Variants in NPIPB9 observed in about 807,000 individuals in gnomAD.
NPIPB9 encodes nuclear pore complex interacting protein family member B9.
Under a neutral mutation model 5.6 loss-of-function variants are expected in NPIPB9, and 1 was observed. The observed-to-expected ratio is 0.18, with a 90% CI of 0.06 to 0.84. The LOEUF (loss-of-function observed/expected upper bound fraction) is 0.84, where lower values mean the gene tolerates loss of function less well. NPIPB9 is among the 40% of genes least tolerant of loss of function. The pLI is 0.70. For missense variants in NPIPB9, 3 were observed against 39.1 expected, an observed-to-expected ratio of 0.08 and a Z score of 2.46; for synonymous variants, 2 against 12.5, an observed-to-expected ratio of 0.16 and a Z score of 1.77.
rs3987539 is a variant in NPIPB9, at chr16:28,752,514, G to C, written c.-54G>C. ...TTGTCCTGACCCCACAGTTCCTGTCGCATGACCAGAGCCAGTTCACCAAGG... is the reference window on the plus strand; with the variant it reads ...TTGTCCTGACCCCACAGTTCCTGTCCCATGACCAGAGCCAGTTCACCAAGG... On this transcript the variant is annotated 5_prime_UTR_variant, in exon 1 of 8. Coordinates refer to ENST00000550983, the Ensembl canonical transcript of NPIPB9. The C allele has an allele frequency of 2.5e-5, 35 of 1,384,774 alleles. 7 individuals carry two copies. Among genetic ancestry groups the C allele is most frequent in the Middle Eastern group, 2.4e-4 (1 of 4,252 alleles). The allele number at this position is 1,384,774 out of a possible 1,614,324, so 85.8% of individuals were successfully genotyped here. A position where few individuals can be genotyped will look rare whatever the true frequency, so the allele number is the denominator to read the frequency against.
Position 28,767,369 on chromosome 16 carries a change from T to G in NPIPB9, c.590+880T>G, listed in dbSNP as rs2049267951. Among the ~76,000 whole-genome samples, 2 of 82,366 alleles carry G rather than the reference T, an allele frequency of 2.4e-5. 1 individual carries two copies. The highest frequency in any genetic ancestry group is 5.3e-5 in the Non-Finnish European group (2 of 37,974). The allele number at this position is 82,366 out of a possible 152,430, so 54.0% of individuals were successfully genotyped here. A position where few individuals can be genotyped will look rare whatever the true frequency, so the allele number is the denominator to read the frequency against. ...TGCCACCATGCCCGGATAATTTTTG[T>G]ATTCTTAGTAGAGGCATAGACTTAG... On this transcript the variant is annotated intron_variant, in intron 5 of 7. Coordinates refer to ENST00000550983, the Ensembl canonical transcript of NPIPB9.
At chr16:28,769,476 TGAAA>T (rs2049320422) in intron 5 of NPIPB9, 1 of 407,110 alleles carries the variant, frequency 2.5e-6, no homozygotes, top group Non-Finnish European at 3.1e-6. Context: ...AAACTAAGCA[TGAAA>T]GAATGTGAGC....
Position 28,765,772 on chromosome 16 carries a change from TGTGA to T in NPIPB9, c.295-309_295-306del, listed in dbSNP as rs1197667109. Among the ~76,000 whole-genome samples, 8 of 92,720 alleles carry T rather than the reference TGTGA, an allele frequency of 8.6e-5. No individual in the cohort carries two copies. In the East Asian group the frequency reaches 1.5e-3, roughly 17 times the overall value. 60.8% of individuals were successfully genotyped at this position (92,720 alleles called of 152,430 possible). ...GTGTGTGTGTGTGTGTGTGTGTGTGTGTGACAGAGTCTCATTCTGTCGCTCAGGC... is the reference window on the plus strand; with the variant it reads ...GTGTGTGTGTGTGTGTGTGTGTGTGTCAGAGTCTCATTCTGTCGCTCAGGC... On this transcript the variant is annotated intron_variant, in intron 3 of 7. Transcript: ENST00000550983.
chr16:28,753,314 GAATT>G lies in NPIPB9; in HGVS notation c.25+725_25+728del, dbSNP rs1033903626. Among the ~76,000 whole-genome samples the G allele has an allele frequency of 1.9e-4, 16 of 85,994 alleles. 3 individuals carry two copies. The highest frequency in any genetic ancestry group is 1.4e-3 in the Admixed American group (10 of 7,076). The allele number at this position is 85,994 out of a possible 152,430, so 56.4% of individuals were successfully genotyped here. On this transcript the variant is annotated intron_variant, in intron 1 of 7. Coordinates refer to ENST00000550983, the Ensembl canonical transcript of NPIPB9. ...ATATGTTCTATAATTTTGAATAAAA[GAATT>G]AACCACATCACATTTATTTTACTAC...
At chr16:28,769,952 G>A (rs1303189965) in intron 5 of NPIPB9, among the ~76,000 whole-genome samples, 4 of 132,932 alleles carry the variant, frequency 3.0e-5, no homozygotes, top group South Asian at 3.3e-4. Flanking sequence ...TGTGAAACAC[G>A]GTAAGGATAT....
chr16:28,759,538 T>C (rs2151818505), intron 2 of NPIPB9, among the ~76,000 whole-genome samples: 1 of 27,408 alleles, frequency 3.6e-5, no homozygotes, highest in South Asian at 9.9e-4. Context: ...TATTTATTTA[T>C]TTATTTATTT....
At chr16:28,753,429 G>A (rs2048698203) in intron 1 of NPIPB9, among the ~76,000 whole-genome samples, 1 of 50,332 alleles carries the variant, frequency 2.0e-5, no homozygotes, top group Non-Finnish European at 3.9e-5. Flanking sequence ...AATTAAATTA[G>A]TCATTAAGTT....
chr16:28,753,779 G>A (rs2048720616), intron 1 of NPIPB9, among the ~76,000 whole-genome samples: 1 of 56,692 alleles, frequency 1.8e-5, no homozygotes, highest in African/African-American at 5.6e-5. Context: ...GGCCAGGCTC[G>A]TGTCAACTCC....
At chr16:28,760,401 C>G (rs2049034896) in intron 2 of NPIPB9, among the ~76,000 whole-genome samples, 1 of 26,984 alleles carries the variant, frequency 3.7e-5, no homozygotes, top group African/African-American at 1.8e-4. Flanking sequence ...TCTCGGCTCA[C>G]TGCAACCTCT....
At chr16:28,769,882 AGG>A (rs1160597540) in intron 5 of NPIPB9, among the ~76,000 whole-genome samples, 1 of 139,682 alleles carries the variant, frequency 7.2e-6, no homozygotes, top group Non-Finnish European at 1.6e-5. Flanking sequence ...GTGTTGTTGT[AGG>A]ATCAACCACA....
At chr16:28,756,180 A>G (rs1194490804) in intron 1 of NPIPB9, among the ~76,000 whole-genome samples, 25 of 88,422 alleles carry the variant, frequency 2.8e-4, no homozygotes, top group Admixed American at 5.3e-4. Flanking sequence ...AACCAACACA[A>G]CCGAAATCTA....
chr16:28,763,485 GT>G (rs1330417238), intron 3 of NPIPB9, among the ~76,000 whole-genome samples: 1 of 12,606 alleles, frequency 7.9e-5, no homozygotes, highest in Non-Finnish European at 1.2e-4. Flanking sequence ...GTATGTTTCA[GT>G]TTTACCACCT....
rs1199379213 is a variant in NPIPB9 at position 28,767,042 on chromosome 16, T to TA, written c.590+555dup. Among the ~76,000 whole-genome samples, 155 of 59,116 alleles carry TA rather than the reference T, an allele frequency of 2.6e-3. 5 individuals carry two copies. The highest frequency in any genetic ancestry group is 4.4e-3 in the Non-Finnish European group (129 of 29,006). The allele number at this position is 59,116 out of a possible 152,430, so 38.8% of individuals were successfully genotyped here. A position where few individuals can be genotyped will look rare whatever the true frequency, so the allele number is the denominator to read the frequency against. ...CACCCAGGCTTTTTTTTTTTTTTTT[T>TA]AATTTTGAGATAGAATCTCGCTCTG... On this transcript the variant is annotated intron_variant, in intron 5 of 7. Transcript: ENST00000550983.
At chr16:28,765,154 A>G (rs1596775782) in intron 3 of NPIPB9, among the ~76,000 whole-genome samples, 1 of 28,816 alleles carries the variant, frequency 3.5e-5, no homozygotes, top group Non-Finnish European at 6.3e-5. Flanking sequence ...ACCAGGCTGG[A>G]GTGCAGTGGT....
Position 28,758,530 on chromosome 16 carries a change from C to T in NPIPB9, c.111+447C>T, listed in dbSNP as rs1276934577. 4 of 38,338 alleles carry T rather than the reference C, an allele frequency of 1.0e-4. No homozygotes were observed. The East Asian group carries it at 2.8e-3, about 26-fold the overall frequency. The allele number at this position is 38,338 out of a possible 1,614,324, so 2.4% of individuals were successfully genotyped here. ...TTCCCTTACTTCCCCCCTTCCCCTC[C>T]CCTTCCCCTTCCCCTCCCCCTCCCC... is the stretch of plus-strand genomic sequence containing the variant. On this transcript the variant is annotated intron_variant, in intron 2 of 7. Transcript: ENST00000550983.
intron 3 of NPIPB9, among the ~76,000 whole-genome samples, chr16:28,765,761 G>A (rs2049165211): frequency 9.7e-6 from 1 of 103,536 alleles, no homozygotes. Flanking sequence ...GTGTGTGTGT[G>A]TGTGTGTGTG....
intron 2 of NPIPB9, among the ~76,000 whole-genome samples, chr16:28,761,941 TGTTATGTGTG>T (rs1273650143): frequency 2.9e-5 from 1 of 33,940 alleles, no homozygotes; most frequent in East Asian, 5.1e-4. Context: ...TGTTAGTGTA[TGTTATGTGTG>T]GCTCAAGACA....
chr16:28,760,690 A>ATT lies in NPIPB9; in HGVS notation c.112-1548_112-1547dup, dbSNP rs543034448. ...GTGAATGAAGTAATCTCTTCATTGT[A>ATT]TTTTTTTTTTTTTTACTTATGCTGA... On this transcript the variant is annotated intron_variant, in intron 2 of 7. Coordinates refer to ENST00000550983, the Ensembl canonical transcript of NPIPB9. Among the ~76,000 whole-genome samples the ATT allele has an allele frequency of 1.3e-4, 5 of 39,360 alleles. 2 individuals carry two copies. The highest frequency in any genetic ancestry group is 4.1e-4 in the African/African-American group (2 of 4,922). 25.8% of individuals were successfully genotyped at this position (39,360 alleles called of 152,430 possible). A position where few individuals can be genotyped will look rare whatever the true frequency, so the allele number is the denominator to read the frequency against.
At chr16:28,765,808 A>G (rs2411933) in intron 3 of NPIPB9, among the ~76,000 whole-genome samples, 382 of 98,680 alleles carry the variant, frequency 3.9e-3, no homozygotes, top group East Asian at 0.021. Context: ...AGGCTGGAGT[A>G]CAGTGGTGTG....
Sources: allele counts gnomAD v4.1 joint callset (sites outside exome capture counted in the v4.1 genomes callset), GRCh38; gene constraint gnomAD v4.1.1; transcripts MANE v1.5; gene names NCBI Gene and HGNC (gene_info 2026-07-23, HGNC 2026-07-21).